PPFIA2: variants seen among roughly 807,000 people sequenced by gnomAD.
The protein encoded by PPFIA2 is liprin-alpha-2.
In PPFIA2, 46 loss-of-function variants were observed where a neutral mutation model predicts 175.5. The observed-to-expected ratio is 0.26, with a 90% CI of 0.21 to 0.34. PPFIA2 has a LOEUF of 0.34. Ranked by LOEUF, PPFIA2 falls within the 10% of genes least tolerant of loss-of-function variation. PPFIA2 has a pLI of 1.00. For missense variants in PPFIA2, 1,179 were observed against 1,506.1 expected (o/e 0.78, Z 3.60); for synonymous variants, 568 against 511.4 (o/e 1.11, Z -1.49).
intron 4 of PPFIA2, among the ~76,000 whole-genome samples, chr12:81,547,320 C>T (rs906329155): frequency 9.2e-5 from 14 of 152,098 alleles, no homozygotes; most frequent in African/African-American, 3.1e-4. Flanking sequence ...CAAAATTCAG[C>T]ACACTTCACT....
chr12:81,481,410 C>A (rs754111419), intron 4 of PPFIA2, among the ~76,000 whole-genome samples: 1 of 152,096 alleles, frequency 6.6e-6, no homozygotes, highest in Admixed American at 6.5e-5. Flanking sequence ...TCATATGGAA[C>A]CAATAAAGAG....
intron 4 of PPFIA2, among the ~76,000 whole-genome samples, chr12:81,585,075 A>G (rs1018110812): frequency 1.7e-5 from 2 of 119,766 alleles, no homozygotes. Flanking sequence ...ATATATAAAT[A>G]TAATATATAT....
chr12:81,520,224 T>C (rs1332609138), intron 4 of PPFIA2, among the ~76,000 whole-genome samples: 1 of 151,768 alleles, frequency 6.6e-6, no homozygotes, highest in Non-Finnish European at 1.5e-5. Context: ...ATGTCAGGAG[T>C]AGATGATGTT....
intron 7 of PPFIA2, among the ~76,000 whole-genome samples, chr12:81,410,303 T>A (rs546206689): frequency 1.3e-5 from 2 of 152,142 alleles, no homozygotes; most frequent in Non-Finnish European, 2.9e-5. Flanking sequence ...ACTTCCTAAT[T>A]TGTAACATTG....
chr12:81,563,389 C>T (rs990810732), intron 4 of PPFIA2, among the ~76,000 whole-genome samples: 1 of 152,180 alleles, frequency 6.6e-6, no homozygotes, highest in Non-Finnish European at 1.5e-5. Flanking sequence ...AATTACCCTT[C>T]TTAAAGAGGT....
intron 4 of PPFIA2, among the ~76,000 whole-genome samples, chr12:81,485,516 C>A (rs2058717098): frequency 6.6e-6 from 1 of 151,766 alleles, no homozygotes; most frequent in African/African-American, 2.4e-5. Context: ...ACAACTCTCA[C>A]CTCAAATCTG....
intron 4 of PPFIA2, among the ~76,000 whole-genome samples, chr12:81,665,605 G>A (rs1207642989): frequency 6.6e-6 from 1 of 152,048 alleles, no homozygotes; most frequent in Non-Finnish European, 1.5e-5. Flanking sequence ...TAAACATTTA[G>A]AGAGGACTTG....
intron 21 of PPFIA2, among the ~76,000 whole-genome samples, chr12:81,334,489 CAAAA>C (rs34576372): frequency 1.4e-5 from 2 of 145,892 alleles, no homozygotes; most frequent in Non-Finnish European, 1.5e-5. Flanking sequence ...CTCCCTCCAC[CAAAA>C]AAAAAAAAAA....
intron 22 of PPFIA2, chr12:81,302,657 A>T: frequency 2.2e-6 from 1 of 453,230 alleles, no homozygotes; most frequent in South Asian, 1.6e-5. Flanking sequence ...TTACACCAGG[A>T]CTGTGTGCTA....
chr12:81,295,951 T>G (rs534594195), intron 23 of PPFIA2, among the ~76,000 whole-genome samples: 1 of 149,298 alleles, frequency 6.7e-6, no homozygotes, highest in Admixed American at 6.7e-5. Flanking sequence ...GATCAGGCCT[T>G]TAGACTCCAG....
At chr12:81,512,769 T>C (rs1594277911) in intron 4 of PPFIA2, among the ~76,000 whole-genome samples, 1 of 152,070 alleles carries the variant, frequency 6.6e-6, no homozygotes, top group African/African-American at 2.4e-5. Flanking sequence ...CTTCCACTTA[T>C]AAATAAATGA....
Position 81,646,983 on chromosome 12 carries a change from A to G in PPFIA2, c.303+29808T>C, listed in dbSNP as rs763805485. Among the ~76,000 whole-genome samples the G allele has an allele frequency of 7.9e-5, 12 of 151,848 alleles. 1 individual carries two copies. The highest frequency in any genetic ancestry group is 6.6e-4 in the Admixed American group (10 of 15,224). ...AAATAGTCCATAGAACCAGAAACAT[A>G]GAAATTCAGGATGATGACACTTTCA... On this transcript the variant is annotated intron_variant, in intron 4 of 32. Coordinates refer to ENST00000549396, the MANE Select transcript of PPFIA2 (RefSeq NM_003625.5).
chr12:81,711,365 C>T (rs542958230), intron 3 of PPFIA2, among the ~76,000 whole-genome samples: 1 of 151,586 alleles, frequency 6.6e-6, no homozygotes, highest in South Asian at 2.1e-4. Flanking sequence ...GAAACACACA[C>T]ATCCACCGTT....
chr12:81,532,505 A>G (rs1238558614), intron 4 of PPFIA2, among the ~76,000 whole-genome samples: 1 of 151,752 alleles, frequency 6.6e-6, no homozygotes, highest in Non-Finnish European at 1.5e-5. Context: ...TCTAGTTTAC[A>G]TGGGTTCCAT....
At chr12:81,416,806 A>T (rs2045357518) in intron 7 of PPFIA2, among the ~76,000 whole-genome samples, 1 of 151,626 alleles carries the variant, frequency 6.6e-6, no homozygotes, top group Non-Finnish European at 1.5e-5. Context: ...CCCCAACTAC[A>T]ATAAAAAGGA....
intron 4 of PPFIA2, among the ~76,000 whole-genome samples, chr12:81,633,700 A>G (rs1430012781): frequency 2.0e-5 from 3 of 152,110 alleles, no homozygotes; most frequent in Non-Finnish European, 4.4e-5. Flanking sequence ...TCGCATTTAT[A>G]TAGTGAAAAT....
At chr12:81,405,353 C>T (rs2142904537) in intron 8 of PPFIA2, among the ~76,000 whole-genome samples, 1 of 152,084 alleles carries the variant, frequency 6.6e-6, no homozygotes, top group South Asian at 2.1e-4. Flanking sequence ...AAATAAGTTA[C>T]CAATTGTATA....
intron 7 of PPFIA2, among the ~76,000 whole-genome samples, chr12:81,439,049 A>G (rs1358143237): frequency 6.6e-6 from 1 of 151,906 alleles, no homozygotes; most frequent in African/African-American, 2.4e-5. Flanking sequence ...TAATACCAAT[A>G]TTACATTACT....
chr12:81,383,303 G>A (rs1177986205), intron 9 of PPFIA2, among the ~76,000 whole-genome samples: 2 of 152,084 alleles, frequency 1.3e-5, no homozygotes, highest in Non-Finnish European at 2.9e-5. Flanking sequence ...CAAAAAGTCA[G>A]AAAACGCAAT....
Sources: allele counts gnomAD v4.1 joint callset (sites outside exome capture counted in the v4.1 genomes callset), GRCh38; gene constraint gnomAD v4.1.1; transcripts MANE v1.5; gene names NCBI Gene and HGNC (gene_info 2026-07-23, HGNC 2026-07-21).